Variants in PDE6A observed in about 807,000 individuals in gnomAD.
The protein encoded by PDE6A is phosphodiesterase 6A.
Under a neutral mutation model 106.3 loss-of-function variants are expected in PDE6A, and 84 were observed. The ratio of observed to expected loss-of-function variants is 0.79; its 90% confidence interval spans 0.66 to 0.95. The LOEUF (loss-of-function observed/expected upper bound fraction) is 0.95, where lower values mean the gene tolerates loss of function less well. Ranked by LOEUF, PDE6A falls within the 40% of genes least tolerant of loss-of-function variation. PDE6A has a pLI of 0.00. For missense variants in PDE6A, 1,052 were observed against 1,084.9 expected, an observed-to-expected ratio of 0.97 and a Z score of 0.43; for synonymous variants, 394 against 386.6, an observed-to-expected ratio of 1.02 and a Z score of -0.23.
At chr5:149,921,570 C>T (rs1371918902) in intron 5 of PDE6A, 65 bp downstream of exon 5, 9 of 1,321,312 alleles carry the variant, frequency 6.8e-6, no homozygotes, top group African/African-American at 1.4e-5. Flanking sequence ...AATCCTTTAA[C>T]AGGGTTTACT....
chr5:149,884,966 G>T, intron 14 of PDE6A, 99 bp from the exon 15 acceptor site: 1 of 958,022 alleles, frequency 1.0e-6, no homozygotes, highest in Non-Finnish European at 1.7e-6. Flanking sequence ...CTCCACAAGT[G>T]ATTCCGAGTT....
At chr5:149,864,239 G>T (rs949637144) in intron 20 of PDE6A, among the ~76,000 whole-genome samples, 6 of 122,144 alleles carry the variant, frequency 4.9e-5, no homozygotes, top group African/African-American at 2.0e-4. Context: ...ATGTTGAGAA[G>T]ATGATTTTTT....
At chr5:149,906,337 C>T (rs1271363707) in intron 7 of PDE6A, among the ~76,000 whole-genome samples, 1 of 151,238 alleles carries the variant, frequency 6.6e-6, no homozygotes, top group Non-Finnish European at 1.5e-5. Context: ...ACCAGCCTGG[C>T]TAACATGGCA....
At chr5:149,894,964 T>C (rs988819425) in intron 13 of PDE6A, among the ~76,000 whole-genome samples, 3 of 152,216 alleles carry the variant, frequency 2.0e-5, no homozygotes, top group Admixed American at 1.3e-4. Flanking sequence ...ATAACCTGAC[T>C]GAGGTTGGGG....
intron 4 of PDE6A, among the ~76,000 whole-genome samples, chr5:149,926,100 G>A (rs915585695): frequency 1.3e-5 from 2 of 151,922 alleles, no homozygotes; most frequent in African/African-American, 4.8e-5. Context: ...AAATTAGCTG[G>A]GCATGGTGGC....
At chr5:149,936,181 G>GGAAGGAAGGAAT (rs1358028042) in intron 1 of PDE6A, among the ~76,000 whole-genome samples, 1 of 151,244 alleles carries the variant, frequency 6.6e-6, no homozygotes, top group Non-Finnish European at 1.5e-5. Flanking sequence ...AAGGAAGGAA[G>GGAAGGAAGGAAT]GAAGGAAGGA....
chr5:149,877,327 C>G (rs1760778234), intron 17 of PDE6A, among the ~76,000 whole-genome samples: 2 of 152,110 alleles, frequency 1.3e-5, no homozygotes, highest in Admixed American at 1.3e-4. Flanking sequence ...CCTGTAATCC[C>G]AGCACTTTGG....
chr5:149,912,853 T>G (rs1317690572), intron 6 of PDE6A, among the ~76,000 whole-genome samples: 1 of 151,978 alleles, frequency 6.6e-6, no homozygotes, highest in African/African-American at 2.4e-5. Context: ...ACGAGAAACA[T>G]AGGTTAGGGA....
Position 149,868,109 on chromosome 5 carries a change from C to T in PDE6A, c.2185G>A (p.Glu729Lys), listed in dbSNP as rs2113508609. The change falls in exon 18 of 22, where the codon GAG (glutamate) becomes AAG (lysine). Residue 729 changes from glutamate (E) to lysine (K), a missense_variant. Transcript: ENST00000255266. ...GGAGTTCATACCTGGCTCTGCACCT[C>T]CCAGGGTTTGGTGATGGCTGAGAGA... ...CDLSAITKPW[E>K]VQSQVALLVA... 6.2e-7 allele frequency: 1 copy of T among 1,614,160 alleles called. No homozygotes were observed. The highest frequency in any genetic ancestry group is 8.5e-7 in the Non-Finnish European group (1 of 1,180,010).
chr5:149,907,402 G>A lies in PDE6A; in HGVS notation c.999-24C>T. The A allele has an allele frequency of 1.9e-6, 3 of 1,589,864 alleles. No homozygotes were observed. In the South Asian group the frequency reaches 3.3e-5, roughly 18 times the overall value. On this transcript the variant is annotated intron_variant, in intron 6 of 21. Coordinates refer to ENST00000255266, the MANE Select transcript of PDE6A (RefSeq NM_000440.3). ...TCCTGTGAAGGCCAAAGACAAAACG[G>A]TGACTCTCAGTGCAGGGATTGCTGG...
chr5:149,881,929 G>A lies in PDE6A; in HGVS notation c.2135+1500C>T, dbSNP rs191256944. 1.7e-3 allele frequency among the ~76,000 whole-genome samples: 249 copies of A among 150,860 alleles called. 6 individuals carry two copies. The highest frequency in any genetic ancestry group is 5.6e-3 in the South Asian group (27 of 4,804). On this transcript the variant is annotated intron_variant, in intron 17 of 21. Coordinates refer to ENST00000255266, the MANE Select transcript of PDE6A (RefSeq NM_000440.3). ...TTAGCCAGGTATAGTGCGTGTGCCT[G>A]TAGTCCCAACTACTAAGGAGGCTGA...
intron 5 of PDE6A, among the ~76,000 whole-genome samples, chr5:149,920,718 A>G (rs112391633): frequency 3.9e-5 from 6 of 152,082 alleles, no homozygotes; most frequent in African/African-American, 1.4e-4. Context: ...CACCTTTTCA[A>G]AAGAAACTGA....
chr5:149,943,377 C>T (rs1754370615), intron 1 of PDE6A, among the ~76,000 whole-genome samples: 1 of 152,174 alleles, frequency 6.6e-6, no homozygotes, highest in South Asian at 2.1e-4. Context: ...AATAATTTTT[C>T]TTAGTACAGA....
At chr5:149,876,059 C>T (rs370404760) in intron 17 of PDE6A, among the ~76,000 whole-genome samples, 1 of 152,068 alleles carries the variant, frequency 6.6e-6, no homozygotes, top group Admixed American at 6.6e-5. Flanking sequence ...TAATTACTTG[C>T]AATCAATTAT....
At chr5:149,928,808 G>A (rs1753945056) in intron 4 of PDE6A, among the ~76,000 whole-genome samples, 1 of 152,118 alleles carries the variant, frequency 6.6e-6, no homozygotes. Context: ...AGATAAAAAA[G>A]ACAATGTGAT....
chr5:149,902,370 C>T (rs1489751385), intron 8 of PDE6A, among the ~76,000 whole-genome samples: 1 of 152,176 alleles, frequency 6.6e-6, no homozygotes. Context: ...CTCCTAATCA[C>T]CACTCGGTGT....
intron 1 of PDE6A, among the ~76,000 whole-genome samples, chr5:149,937,439 G>T (rs1396269817): frequency 6.6e-6 from 1 of 152,134 alleles, no homozygotes; most frequent in Non-Finnish European, 1.5e-5. Context: ...GTGCAGTGTA[G>T]CCATCATGGC....
At chr5:149,889,767 C>T (rs1257740022) in intron 13 of PDE6A, among the ~76,000 whole-genome samples, 1 of 151,792 alleles carries the variant, frequency 6.6e-6, no homozygotes, top group Non-Finnish European at 1.5e-5. Flanking sequence ...GTTAGCTTGG[C>T]CCGGTGGCAC....
At chr5:149,933,688 G>T (rs1206071037) in intron 3 of PDE6A, among the ~76,000 whole-genome samples, 1 of 152,150 alleles carries the variant, frequency 6.6e-6, no homozygotes, top group Non-Finnish European at 1.5e-5. Flanking sequence ...ACTCACTTAG[G>T]GTCTTAGAGC....
Sources: allele counts gnomAD v4.1 joint callset (sites outside exome capture counted in the v4.1 genomes callset), GRCh38; gene constraint gnomAD v4.1.1; transcripts MANE v1.5; gene names NCBI Gene and HGNC (gene_info 2026-07-23, HGNC 2026-07-21).